The following RTN4 variants were observed in gnomAD, a reference collection of about 807,000 sequenced individuals.
RTN4 encodes the protein reticulon-4.
In RTN4, 32 loss-of-function variants were observed where a neutral mutation model predicts 90.4. The observed-to-expected ratio is 0.35, with a 90% CI of 0.27 to 0.48. The LOEUF (loss-of-function observed/expected upper bound fraction) is 0.48, where lower values mean the gene tolerates loss of function less well. RTN4 is among the 20% of genes least tolerant of loss of function. The pLI is 0.99. For missense variants in RTN4, 1,706 were observed against 1,430.2 expected (o/e 1.19, Z -3.11); for synonymous variants, 629 against 552.5 (o/e 1.14, Z -1.94).
At chr2:54,974,225 G>C (rs11892015) in intron 6 of RTN4, 5,593 of 245,312 alleles carry the variant, frequency 0.023, 317 homozygotes, top group African/African-American at 0.11. Context: ...CAGCAACTAA[G>C]GTAGCATTTC....
At chr2:55,041,392 T>C (rs777897506) in intron 1 of RTN4, among the ~76,000 whole-genome samples, 2 of 151,842 alleles carry the variant, frequency 1.3e-5, no homozygotes, top group Non-Finnish European at 2.9e-5. Flanking sequence ...GGGGACAAGA[T>C]AAAAAAAATT....
chr2:55,028,354 A>G (rs763083576), intron 1 of RTN4, 134 bp from the exon 2 acceptor site: 1 of 648,256 alleles, frequency 1.5e-6, no homozygotes, highest in Non-Finnish European at 2.6e-6. Flanking sequence ...GCCAAGATCA[A>G]AAGGAAGTCA....
chr2:55,073,296 G>A (rs577512402), intron 2 of RTN4, among the ~76,000 whole-genome samples: 14 of 152,190 alleles, frequency 9.2e-5, no homozygotes, highest in East Asian at 7.7e-4. Context: ...AACCAAGAGC[G>A]TTAATTTTAT....
Position 55,049,829 on chromosome 2 carries a change from C to T in RTN4, c.472G>A (p.Val158Met). 2 of 1,094,240 alleles carry T rather than the reference C, an allele frequency of 1.8e-6. No homozygotes were observed. The highest frequency in any genetic ancestry group is 2.4e-5 in the South Asian group (1 of 40,892). The allele number at this position is 1,094,240 out of a possible 1,614,324, so 67.8% of individuals were successfully genotyped here. A position where few individuals can be genotyped will look rare whatever the true frequency, so the allele number is the denominator to read the frequency against. The change falls in exon 1 of 9, where the codon GTG (valine) becomes ATG (methionine). Residue 158 changes from valine to methionine, a missense_variant. Coordinates refer to ENST00000337526, the MANE Select transcript of RTN4 (RefSeq NM_020532.5). ...PASVSPQAEPVWTPPAPAPAA... is the reference protein window; with the variant it reads ...PASVSPQAEPMWTPPAPAPAA... ...GGAGCCGGGGCTGGCGGGGTCCACA[C>T]GGGCTCTGCCTGGGGGCTCACGCTG...
chr2:55,032,560 A>G (rs1682393296), intron 1 of RTN4, among the ~76,000 whole-genome samples: 2 of 152,232 alleles, frequency 1.3e-5, no homozygotes, highest in Admixed American at 6.5e-5. Flanking sequence ...GCTTAAAGGC[A>G]GATTAGACAA....
chr2:55,102,277 T>C (rs188494083), intron 1 of RTN4, among the ~76,000 whole-genome samples: 1 of 152,116 alleles, frequency 6.6e-6, no homozygotes, highest in East Asian at 1.9e-4. Context: ...CCCTTGAAGA[T>C]GGTATATAAA....
intron 2 of RTN4, among the ~76,000 whole-genome samples, chr2:55,072,592 C>T (rs1431950352): frequency 6.6e-6 from 1 of 152,180 alleles, no homozygotes; most frequent in Non-Finnish European, 1.5e-5. Context: ...GGGGCATACA[C>T]ATTTTTTAAG....
the RTN4 span, among the ~76,000 whole-genome samples, chr2:55,133,952 T>G: frequency 6.6e-6 from 1 of 152,210 alleles, no homozygotes; most frequent in Non-Finnish European, 1.5e-5. Context: ...CAAAGGCTGC[T>G]GGTTGGCTAT....
intron 3 of RTN4, among the ~76,000 whole-genome samples, chr2:54,990,505 T>C (rs987396740): frequency 6.6e-6 from 1 of 152,208 alleles, no homozygotes; most frequent in African/African-American, 2.4e-5. Flanking sequence ...ATACAATAAA[T>C]TCTTAATAAA....
intron 1 of RTN4, among the ~76,000 whole-genome samples, chr2:55,041,564 C>G (rs139621862): frequency 2.6e-5 from 4 of 151,964 alleles, no homozygotes; most frequent in East Asian, 3.9e-4. Context: ...ACCCATACTA[C>G]AAGAATATGA....
intron 1 of RTN4, among the ~76,000 whole-genome samples, chr2:55,084,850 T>C (rs764498988): frequency 6.6e-6 from 1 of 152,068 alleles, no homozygotes. Context: ...AATGGCGCAA[T>C]CACAGCTCAC....
chr2:55,005,116 G>C (rs1680115883), intron 3 of RTN4, among the ~76,000 whole-genome samples: 1 of 152,114 alleles, frequency 6.6e-6, no homozygotes, highest in South Asian at 2.1e-4. Flanking sequence ...TAAAGGTTGG[G>C]GCTAGGCCAT....
At chr2:54,995,353 G>C (rs942147259) in intron 3 of RTN4, among the ~76,000 whole-genome samples, 4 of 151,976 alleles carry the variant, frequency 2.6e-5, no homozygotes, top group African/African-American at 9.7e-5. Flanking sequence ...AATTTTTGGT[G>C]AATCAGTGAT....
In RTN4 at chr2:55,066,748, C is replaced by T. The variant is rs142190269; in HGVS notation, c.-63+13741G>A. Among the ~76,000 whole-genome samples the T allele has an allele frequency of 6.4e-4, 97 of 151,642 alleles. No individual in the cohort carries two copies. In the East Asian group the frequency reaches 0.016, roughly 25 times the overall value. On this transcript the variant is annotated intron_variant, in intron 2 of 3. Coordinates refer to the RTN4 transcript ENST00000427710. ...AATAAATAAAGCCTACTTTACAAGG[C>T]CTTATTAATCTTTTCTGCGTTTGTA...
the RTN4 span, among the ~76,000 whole-genome samples, chr2:55,127,574 C>T: frequency 1.3e-5 from 2 of 152,236 alleles, no homozygotes; most frequent in Non-Finnish European, 2.9e-5. Flanking sequence ...ATACAACCGA[C>T]TTTCCCATTC....
intron 1 of RTN4, among the ~76,000 whole-genome samples, chr2:55,099,912 TC>T (rs1325017429): frequency 6.6e-6 from 1 of 152,130 alleles, no homozygotes; most frequent in African/African-American, 2.4e-5. Context: ...ATTACTAGTC[TC>T]TTTCCAGCCT....
At chr2:54,982,487 T>C (rs919324283) in intron 5 of RTN4, 28 bp downstream of exon 5, 3 of 1,598,816 alleles carry the variant, frequency 1.9e-6, no homozygotes, top group African/African-American at 2.7e-5. Flanking sequence ...TCTGGGTATA[T>C]CAAAAATGAA....
At chr2:55,043,966 C>A (rs1003249670) in intron 1 of RTN4, among the ~76,000 whole-genome samples, 2 of 151,890 alleles carry the variant, frequency 1.3e-5, no homozygotes, top group Non-Finnish European at 2.9e-5. Context: ...CCCAGCACTT[C>A]GAGAAGACTG....
chr2:55,077,356 A>T (rs905036365), intron 2 of RTN4, among the ~76,000 whole-genome samples: 25 of 152,142 alleles, frequency 1.6e-4, no homozygotes, highest in Admixed American at 1.6e-3. Context: ...CTAATATACT[A>T]CTTATCAGGA....
Sources: gnomAD v4.1 joint callset for allele counts (sites outside exome capture counted in the v4.1 genomes callset) on GRCh38, gnomAD v4.1.1 for gene constraint, MANE v1.5 for transcripts, NCBI Gene and HGNC (gene_info 2026-07-23, HGNC 2026-07-21) for gene names.